The following COP1 variants were observed in gnomAD, a reference collection of about 807,000 sequenced individuals.
The protein encoded by COP1 is E3 ubiquitin-protein ligase COP1.
In COP1, 24 loss-of-function variants were observed where a neutral mutation model predicts 101.3. That is an observed-to-expected ratio of 0.24 (90% CI 0.17 to 0.33). The LOEUF is 0.33. COP1 is among the 10% of genes least tolerant of loss of function. The pLI is 1.00. For synonymous variants in COP1, 347 were observed against 341.9 expected (o/e 1.01, Z -0.17); for missense variants, 663 against 906.2 (o/e 0.73, Z 3.45).
At chr1:176,021,271 T>C (rs1666716116) in intron 15 of COP1, among the ~76,000 whole-genome samples, 1 of 152,192 alleles carries the variant, frequency 6.6e-6, no homozygotes, top group African/African-American at 2.4e-5. Flanking sequence ...TTTAGAAATA[T>C]AAAATCCAGC....
Position 176,047,527 on chromosome 1 carries a change from CTAAAGGTT to C in COP1, c.1278-1211_1278-1204del, listed in dbSNP as rs372727001. ...TAATGTAAAACTCAAAGTGTAAAGG[CTAAAGGTT>C]TAAAGGTTTAAAATCTATGTGTATG... On this transcript the variant is annotated intron_variant, in intron 11 of 19. Coordinates refer to ENST00000367669, the MANE Select transcript of COP1 (RefSeq NM_022457.7). Among the ~76,000 whole-genome samples the C allele has an allele frequency of 2.6e-3, 396 of 152,196 alleles. 3 individuals are homozygous for C. Among genetic ancestry groups the C allele is most frequent in the African/African-American group, 9.1e-3 (378 of 41,520 alleles).
chr1:175,953,978 A>C (rs1650287014), intron 18 of COP1, among the ~76,000 whole-genome samples: 1 of 152,184 alleles, frequency 6.6e-6, no homozygotes, highest in South Asian at 2.1e-4. Flanking sequence ...AGAAAGTTTT[A>C]TTTAAATGAC....
chr1:176,120,072 A>T (rs1302584105), intron 8 of COP1, among the ~76,000 whole-genome samples: 1 of 152,236 alleles, frequency 6.6e-6, no homozygotes, highest in Non-Finnish European at 1.5e-5. Flanking sequence ...TCCACTTTGT[A>T]GACATATTTT....
At chr1:175,998,882 G>A (rs1250570309) in intron 15 of COP1, among the ~76,000 whole-genome samples, 1 of 152,020 alleles carries the variant, frequency 6.6e-6, no homozygotes, top group Non-Finnish European at 1.5e-5. Flanking sequence ...TAATGGAATG[G>A]AACTTCATTG....
intron 9 of COP1, among the ~76,000 whole-genome samples, chr1:176,098,194 C>A (rs1682762658): frequency 6.6e-6 from 1 of 152,094 alleles, no homozygotes; most frequent in Admixed American, 6.5e-5. Context: ...ACTAACCATG[C>A]CCTTAATTAT....
intron 1 of COP1, among the ~76,000 whole-genome samples, chr1:176,187,956 A>G (rs965135358): frequency 6.6e-6 from 1 of 152,088 alleles, no homozygotes; most frequent in Non-Finnish European, 1.5e-5. Flanking sequence ...CAGAACTCTC[A>G]TGAAAGGGAT....
intron 8 of COP1, among the ~76,000 whole-genome samples, chr1:176,132,361 C>T (rs1316057934): frequency 1.3e-5 from 2 of 151,760 alleles, no homozygotes; most frequent in Non-Finnish European, 1.5e-5. Context: ...TTGCAAAGCC[C>T]TACCATGCCT....
At chr1:176,004,483 T>C (rs9699996) in intron 15 of COP1, among the ~76,000 whole-genome samples, 116,041 of 135,498 alleles carry the variant, frequency 0.86, 51,936 homozygotes, top group Non-Finnish European at 0.98. Context: ...ATAATGGCTG[T>C]GGGTTTGTCA....
rs10694480 is a variant in COP1, at chr1:175,976,270, CTTTTTTTTTTTTTT to C, written c.2133+10659_2133+10672del. Among the ~76,000 whole-genome samples, 9 of 56,858 alleles carry C rather than the reference CTTTTTTTTTTTTTT, an allele frequency of 1.6e-4. 1 individual carries two copies. The South Asian group carries it at 4.1e-3, about 26-fold the overall frequency. 37.3% of individuals were successfully genotyped at this position (56,858 alleles called of 152,430 possible). ...TAAGTCTCTATATCAATTAGTCATT[CTTTTTTTTTTTTTT>C]TTTTTTTTTTTTAGACAGAGTCTTG... On this transcript the variant is annotated intron_variant, in intron 18 of 19. Coordinates refer to ENST00000367669, the MANE Select transcript of COP1 (RefSeq NM_022457.7).
chr1:175,973,753 G>C (rs550329710), intron 18 of COP1, among the ~76,000 whole-genome samples: 1 of 152,258 alleles, frequency 6.6e-6, no homozygotes, highest in African/African-American at 2.4e-5. Flanking sequence ...TCTACCCAAT[G>C]AACACTCTAA....
At chr1:176,105,457 T>C (rs1684149217) in intron 9 of COP1, among the ~76,000 whole-genome samples, 1 of 152,208 alleles carries the variant, frequency 6.6e-6, no homozygotes, top group South Asian at 2.1e-4. Context: ...GAAATATCTC[T>C]AGTTACATTG....
intron 11 of COP1, among the ~76,000 whole-genome samples, chr1:176,052,976 C>T (rs1672829453): frequency 6.6e-6 from 1 of 152,010 alleles, no homozygotes; most frequent in Non-Finnish European, 1.5e-5. Flanking sequence ...GAACATTTCA[C>T]TTCTAGTCTT....
intron 18 of COP1, among the ~76,000 whole-genome samples, chr1:175,963,394 G>A (rs1002732612): frequency 5.3e-5 from 8 of 151,954 alleles, no homozygotes; most frequent in Admixed American, 1.3e-4. Flanking sequence ...CCTCATCTGC[G>A]CCTTTGTTTA....
chr1:176,008,688 G>A (rs1283175090), intron 15 of COP1, among the ~76,000 whole-genome samples: 1 of 152,078 alleles, frequency 6.6e-6, no homozygotes, highest in Non-Finnish European at 1.5e-5. Context: ...GGCAACTGTG[G>A]ACTCGGTTCT....
rs1651607574 is a variant in COP1 at position 175,963,279 on chromosome 1, A to G, written c.2134-16040T>C. ...TTCTCTCAGTATGGCATTCAAGACT[A>G]TAATATCTAGCACACTCTCTGGCCT... On this transcript the variant is annotated intron_variant, in intron 18 of 19. Coordinates refer to ENST00000367669, the MANE Select transcript of COP1 (RefSeq NM_022457.7). Among the ~76,000 whole-genome samples the G allele has an allele frequency of 3.9e-5, 6 of 151,982 alleles. No individual in the cohort carries two copies. The South Asian group carries it at 1.2e-3, about 32-fold the overall frequency.
At chr1:176,148,933 A>G in intron 6 of COP1, 73 bp downstream of exon 6, 1 of 986,904 alleles carries the variant, frequency 1.0e-6, no homozygotes, top group Non-Finnish European at 1.5e-6. Flanking sequence ...TTTTAGCCTG[A>G]AATGCTTTTA....
At position 176,206,921 on chromosome 1, in the gene COP1, C is replaced by T. The variant is rs1330318852; in HGVS notation, c.58G>A (p.Ala20Thr). The T allele has an allele frequency of 6.8e-7, 1 of 1,463,760 alleles. No individual in the cohort carries two copies. The highest frequency in any genetic ancestry group is 9.0e-7 in the Non-Finnish European group (1 of 1,113,174). The allele number at this position is 1,463,760 out of a possible 1,614,324, so 90.7% of individuals were successfully genotyped here. A position where few individuals can be genotyped will look rare whatever the true frequency, so the allele number is the denominator to read the frequency against. Reference sequence around the variant, plus strand: ...GAGGCGGAAGTCACCGAGGAGGCCGCCGAGGACCCGGGGCTTGTCCCAGCG... The same window carrying T: ...GAGGCGGAAGTCACCGAGGAGGCCGTCGAGGACCCGGGGCTTGTCCCAGCG... ...GSAGTSPGSS[A>T]ASSVTSASSS... The change falls in exon 1 of 20, where the codon GCG becomes ACG. Residue 20 changes from alanine to threonine, a missense_variant. This residue lies in a region of COP1 where 204 missense variants were observed against 203.6 expected (regional missense o/e 1.00). Coordinates refer to ENST00000367669, the MANE Select transcript of COP1 (RefSeq NM_022457.7).
chr1:176,205,996 TGGA>T (rs971428573), intron 1 of COP1, among the ~76,000 whole-genome samples: 11 of 152,216 alleles, frequency 7.2e-5, no homozygotes, highest in Admixed American at 4.6e-4. Flanking sequence ...TCCTTTGAAA[TGGA>T]AGAAGATATT....
At chr1:176,196,263 A>C (rs1394256714) in intron 1 of COP1, among the ~76,000 whole-genome samples, 1 of 152,186 alleles carries the variant, frequency 6.6e-6, no homozygotes, top group Admixed American at 6.5e-5. Context: ...AGTAAACTGA[A>C]AATTAGTGGA....
Sources: gnomAD v4.1 joint callset for allele counts (sites outside exome capture counted in the v4.1 genomes callset) on GRCh38, gnomAD v4.1.1 for gene constraint, gnomAD v4.1.1 regional missense constraint, MANE v1.5 for transcripts, NCBI Gene and HGNC (gene_info 2026-07-23, HGNC 2026-07-21) for gene names.